Variants in APOC2 observed in about 807,000 individuals in gnomAD.
The protein encoded by APOC2 is apolipoprotein C2, also known as apolipoprotein C-II.
A neutral mutation model predicts 10.2 loss-of-function variants in APOC2; 6 were observed. The observed-to-expected ratio is 0.59, with a 90% CI of 0.32 to 1.16. APOC2 has a LOEUF of 1.16. APOC2 is among the 50% of genes most tolerant of loss of function. The probability of loss-of-function intolerance (pLI) is 0.05; values close to 1 mark genes in which losing one functional copy is unlikely to be tolerated. For missense variants in APOC2, 110 were observed against 117.6 expected, an observed-to-expected ratio of 0.94 and a Z score of 0.30; for synonymous variants, 56 against 48.5, an observed-to-expected ratio of 1.15 and a Z score of -0.64.
At chr19:44,948,392 A>C (rs1485220788) in intron 1 of APOC2, 74 bp from the exon 2 acceptor site, 5 of 1,297,600 alleles carry the variant, frequency 3.9e-6, no homozygotes, top group Admixed American at 1.7e-5. Context: ...AGTCCCCCCC[A>C]CCAGAGTGGG....
chr19:44,947,637 A>AG (rs1441370879), intron 1 of APOC2, among the ~76,000 whole-genome samples: 1 of 152,156 alleles, frequency 6.6e-6, no homozygotes, highest in Non-Finnish European at 1.5e-5. Flanking sequence ...TCTCTACAAA[A>AG]GAATAAAAAT....
Position 44,949,008 on chromosome 19 carries a change from C to T in APOC2, c.215+148C>T. ...CCTCAGACCCAGGAGTCCAGGCCCC[C>T]AGCCCGTCCTCCCTCAGACCCAGGA... On this transcript the variant is annotated intron_variant, in intron 3 of 3. Coordinates refer to ENST00000252490, the MANE Select transcript of APOC2 (RefSeq NM_000483.5). The T allele has an allele frequency of 3.4e-6, 4 of 1,188,598 alleles. No homozygotes were observed. The South Asian group carries it at 4.1e-5, about 12-fold the overall frequency. The allele number at this position is 1,188,598 out of a possible 1,614,324, so 73.6% of individuals were successfully genotyped here. A position where few individuals can be genotyped will look rare whatever the true frequency, so the allele number is the denominator to read the frequency against.
chr19:44,947,314 G>A (rs950068677), intron 1 of APOC2: 2 of 152,272 alleles, frequency 1.3e-5, no homozygotes, highest in South Asian at 2.1e-4. Context: ...TAGAGCAGGT[G>A]AGAACTCAGT....
chr19:44,948,796 G>A lies in APOC2; in HGVS notation c.151G>A (p.Ala51Thr). ...KESLSSYWES[A>T]KTAAQNLYEK... ...ATCTCTCTCCAGTTACTGGGAGTCA[G>A]CAAAGACAGCCGCCCAGAACCTGTA... The change falls in exon 3 of 4, where the codon GCA becomes ACA. Residue 51 changes from alanine (A) to threonine (T), a missense_variant. Transcript: ENST00000252490. The A allele has an allele frequency of 6.2e-7, 1 of 1,614,128 alleles. No homozygotes were observed. The highest frequency in any genetic ancestry group is 8.5e-7 in the Non-Finnish European group (1 of 1,180,030).
rs768288162 is a variant in APOC2 at position 44,948,708 on chromosome 19, G to A, written c.63G>A (p.Gln21=). 16 of 1,613,920 alleles carry A rather than the reference G, an allele frequency of 9.9e-6. No individual in the cohort carries two copies. The Admixed American group carries it at 2.7e-4, about 27-fold the overall frequency. The change falls in exon 3 of 4, where the codon CAG becomes CAA. Residue 21 remains glutamine (Q), a synonymous_variant. Coordinates refer to ENST00000252490, the MANE Select transcript of APOC2 (RefSeq NM_000483.5). The part of the protein sequence containing the change: ...LVLLVLGFEV[Q]GTQQPQQDEM... ...CACACTCTCCCCCTGCAGAGGTCCA[G>A]GGGACCCAACAGCCCCAGCAAGATG...
chr19:44,948,885 G>C (rs774931157), intron 3 of APOC2, 25 bp downstream of exon 3: 1 of 1,608,786 alleles, frequency 6.2e-7, no homozygotes, highest in Non-Finnish European at 8.5e-7. Context: ...TGGAGAAATG[G>C]GGTCTGGCCC....
At chr19:44,948,285 C>A in intron 1 of APOC2, 181 bp from the exon 2 acceptor site, 1 of 626,360 alleles carries the variant, frequency 1.6e-6, no homozygotes, top group South Asian at 1.8e-5. Context: ...AGTAGAATCA[C>A]AGAATGTTGG....
At chr19:44,946,476 C>T (rs1376670138) in intron 1 of APOC2, among the ~76,000 whole-genome samples, 1 of 152,078 alleles carries the variant, frequency 6.6e-6, no homozygotes, top group African/African-American at 2.4e-5. Flanking sequence ...GAGCTGTGAT[C>T]TTGCCACCGT....
At chr19:44,947,360 A>C (rs2122207389) in intron 1 of APOC2, 1 of 152,426 alleles carries the variant, frequency 6.6e-6, no homozygotes, top group South Asian at 2.1e-4. Flanking sequence ...GACTTAGGGC[A>C]GAGCCCTAAG....
In APOC2 at chr19:44,948,763, G is replaced by C. The variant is rs368487465; in HGVS notation, c.118G>C (p.Val40Leu). Reference protein sequence around the residue: ...EMPSPTFLTQVKESLSSYWES... With the variant: ...EMPSPTFLTQLKESLSSYWES... ...GCCTAGCCCGACCTTCCTCACCCAG[G>C]TGAAGGAATCTCTCTCCAGTTACTG... The change falls in exon 3 of 4, where the codon GTG becomes CTG. Residue 40 changes from valine to leucine, a missense_variant. Physicochemically the swap from Val to Leu is conservative, Grantham distance 32. Transcript: ENST00000252490. 84 of 1,614,166 alleles carry C rather than the reference G, an allele frequency of 5.2e-5. No individual in the cohort carries two copies. In the East Asian group the frequency reaches 1.8e-3, roughly 35 times the overall value.
intron 1 of APOC2, among the ~76,000 whole-genome samples, chr19:44,948,044 G>C (rs12721062): frequency 1.1e-4 from 16 of 152,244 alleles, no homozygotes; most frequent in African/African-American, 3.9e-4. Flanking sequence ...ACTCCAGCCT[G>C]GGTGACAGAG....
chr19:44,946,190 A>AGT, intron 1 of APOC2, 115 bp downstream of exon 1: 1 of 91,864 alleles, frequency 1.1e-5, no homozygotes, highest in Non-Finnish European at 2.2e-5. Flanking sequence ...TGGAACCATG[A>AGT]CTGTGTGTGT....
At chr19:44,947,530 C>G (rs560882440) in intron 1 of APOC2, among the ~76,000 whole-genome samples, 2 of 152,294 alleles carry the variant, frequency 1.3e-5, no homozygotes, top group South Asian at 4.1e-4. Flanking sequence ...CTCAGTGGCT[C>G]ACACCTGTAC....
Position 44,948,514 on chromosome 19 carries a change from C to T in APOC2, c.36C>T (p.Val12=). The T allele has an allele frequency of 6.2e-7, 1 of 1,614,132 alleles. No homozygotes were observed. The part of the protein sequence containing the change: ...GTRLLPALFL[V]LLVLGFEVQG... ...GACTCCTCCCAGCTCTGTTTCTTGT[C>T]CTCCTGGTATTGGGATTTGGTGAGT... Residue 12 remains valine (V), a synonymous_variant, in exon 2 of 4, where the codon GTC becomes GTT. Transcript: ENST00000252490.
chr19:44,947,805 C>T (rs1385008453), intron 1 of APOC2, among the ~76,000 whole-genome samples: 1 of 151,922 alleles, frequency 6.6e-6, no homozygotes, highest in East Asian at 1.9e-4. Context: ...CACAGTGGCT[C>T]AAGCCTGTAA....
intron 1 of APOC2, among the ~76,000 whole-genome samples, chr19:44,946,649 G>A (rs1036441478): frequency 3.0e-4 from 46 of 151,902 alleles, no homozygotes; most frequent in African/African-American, 1.1e-3. Flanking sequence ...TGGTGAAACC[G>A]CATCTATACT....
Position 44,949,043 on chromosome 19 carries a change from C to G in APOC2, c.216-116C>G, listed in dbSNP as rs573032402. ...TCCCTCAGACCCAGGAGTCCAGGCC[C>G]CCAGCCCCTCCTCCCTCAGACCCAG... On this transcript the variant is annotated intron_variant, in intron 3 of 3. Coordinates refer to ENST00000252490, the MANE Select transcript of APOC2 (RefSeq NM_000483.5). The G allele has an allele frequency of 3.6e-5, 39 of 1,078,056 alleles. 1 individual carries two copies. The East Asian group carries it at 7.0e-4, about 19-fold the overall frequency. The allele number at this position is 1,078,056 out of a possible 1,614,324, so 66.8% of individuals were successfully genotyped here.
At chr19:44,947,731 C>T (rs2122207943) in intron 1 of APOC2, among the ~76,000 whole-genome samples, 1 of 152,030 alleles carries the variant, frequency 6.6e-6, no homozygotes, top group South Asian at 2.1e-4. Context: ...GTTAGGAGTT[C>T]AAGACCAGCC....
At position 44,949,265 on chromosome 19, in the gene APOC2, T is replaced by C. The variant is rs1336955767; in HGVS notation, c.*16T>C. 6.2e-7 allele frequency: 1 copy of C among 1,609,724 alleles called. No homozygotes were observed. Among genetic ancestry groups the C allele is most frequent in the South Asian group, 1.1e-5 (1 of 90,496 alleles). Reference sequence around the variant, plus strand: ...AGAGGAGTAACAGCCAGACCCCCCATCAGTGGACAAGGGGAGAGTCCCCTA... The same window carrying C: ...AGAGGAGTAACAGCCAGACCCCCCACCAGTGGACAAGGGGAGAGTCCCCTA... On this transcript the variant is annotated 3_prime_UTR_variant, in exon 4 of 4. Transcript: ENST00000252490.
Sources: gnomAD v4.1 joint callset for allele counts (sites outside exome capture counted in the v4.1 genomes callset) on GRCh38, gnomAD v4.1.1 for gene constraint, MANE v1.5 for transcripts, NCBI Gene and HGNC (gene_info 2026-07-23, HGNC 2026-07-21) for gene names.